The following DOCK3 variants were observed in gnomAD, a reference collection of about 807,000 sequenced individuals.
DOCK3 encodes dedicator of cytokinesis 3.
In DOCK3, 60 loss-of-function variants were observed where a neutral mutation model predicts 265.6. The observed-to-expected ratio is 0.23, with a 90% CI of 0.18 to 0.28. The LOEUF (loss-of-function observed/expected upper bound fraction) is 0.28, where lower values mean the gene tolerates loss of function less well. Ranked by LOEUF, DOCK3 falls within the 10% of genes least tolerant of loss-of-function variation. DOCK3 has a pLI of 1.00. For synonymous variants in DOCK3, 881 were observed against 938.0 expected (o/e 0.94, Z 1.11); for missense variants, 1,981 against 2,594.3 (o/e 0.76, Z 5.14).
intron 49 of DOCK3, among the ~76,000 whole-genome samples, chr3:51,368,799 C>T (rs1007544360): frequency 6.6e-6 from 1 of 152,198 alleles, no homozygotes; most frequent in South Asian, 2.1e-4. Context: ...CTGGGAGGCA[C>T]CTCCCAGTAG....
intron 5 of DOCK3, among the ~76,000 whole-genome samples, chr3:51,055,702 C>CAT (rs2081174156): frequency 6.6e-6 from 1 of 152,164 alleles, no homozygotes; most frequent in Admixed American, 6.5e-5. Flanking sequence ...TGGCATCTAT[C>CAT]CATCCGTGAA....
chr3:50,929,449 T>C (rs1052342668), intron 4 of DOCK3, among the ~76,000 whole-genome samples: 2 of 152,208 alleles, frequency 1.3e-5, no homozygotes, highest in African/African-American at 4.8e-5. Context: ...TTAATAGCAA[T>C]TGGTGTTGTG....
At chr3:50,866,675 A>G (rs2047161378) in intron 3 of DOCK3, among the ~76,000 whole-genome samples, 1 of 152,108 alleles carries the variant, frequency 6.6e-6, no homozygotes, top group African/African-American at 2.4e-5. Flanking sequence ...AGCACCATTT[A>G]TTAAAGAGAA....
At chr3:50,808,577 A>T (rs533224827) in intron 2 of DOCK3, among the ~76,000 whole-genome samples, 1 of 152,200 alleles carries the variant, frequency 6.6e-6, no homozygotes, top group African/African-American at 2.4e-5. Context: ...TGTGTTTCCA[A>T]AAGTTTCTTT....
chr3:51,200,018 C>A (rs1388719503), intron 12 of DOCK3, among the ~76,000 whole-genome samples: 2 of 152,028 alleles, frequency 1.3e-5, no homozygotes, highest in East Asian at 3.9e-4. Flanking sequence ...GACATCCACA[C>A]CAAAAACCCA....
intron 3 of DOCK3, among the ~76,000 whole-genome samples, chr3:50,867,869 T>G (rs777230400): frequency 2.6e-5 from 4 of 152,126 alleles, no homozygotes; most frequent in Non-Finnish European, 5.9e-5. Flanking sequence ...TTATCAGAGA[T>G]ATTGGCCTGT....
rs185793200 is a variant in DOCK3 at position 51,289,171 on chromosome 3, C to T, written c.2922+8967C>T. 2.0e-4 allele frequency among the ~76,000 whole-genome samples: 31 copies of T among 152,244 alleles called. No individual in the cohort carries two copies. The East Asian group carries it at 3.9e-3, about 19-fold the overall frequency. ...ATGGATGGAGCTAGAGGCCATTATC[C>T]TAAGCAAACTAATGCAGGAACAGCA... On this transcript the variant is annotated intron_variant, in intron 27 of 52. Coordinates refer to ENST00000266037, the MANE Select transcript of DOCK3 (RefSeq NM_004947.5).
At chr3:50,784,294 T>C (rs926486415) in intron 2 of DOCK3, among the ~76,000 whole-genome samples, 1 of 152,248 alleles carries the variant, frequency 6.6e-6, no homozygotes, top group Non-Finnish European at 1.5e-5. Flanking sequence ...TGTTTTTGTT[T>C]GCTTTGTCAA....
chr3:50,836,244 A>G (rs1450191248), intron 2 of DOCK3, among the ~76,000 whole-genome samples: 1 of 152,170 alleles, frequency 6.6e-6, no homozygotes, highest in East Asian at 1.9e-4. Context: ...CTCTTACCCA[A>G]CCTTTCCCTT....
At chr3:51,257,464 A>T (rs1252676229) in intron 22 of DOCK3, among the ~76,000 whole-genome samples, 1 of 152,204 alleles carries the variant, frequency 6.6e-6, no homozygotes, top group Non-Finnish European at 1.5e-5. Flanking sequence ...AGGTGAAAAT[A>T]AAAAGTTTAT....
intron 40 of DOCK3, among the ~76,000 whole-genome samples, chr3:51,353,632 A>G (rs1027207451): frequency 2.6e-5 from 4 of 151,800 alleles, no homozygotes; most frequent in African/African-American, 7.3e-5. Flanking sequence ...AAAAAACAAT[A>G]CAGACACATG....
rs534270779 is a variant in DOCK3 at position 50,719,407 on chromosome 3, A to G, written c.37+44107A>G. On this transcript the variant is annotated intron_variant, in intron 1 of 52. Transcript: ENST00000266037. ...AGTGATTATAGGATGCTGCGAGCAA[A>G]TGGAGTGGAGGGGTGCTCTCCTGAG... 6.5e-5 allele frequency: 36 copies of G among 555,958 alleles called. No individual in the cohort carries two copies. In the East Asian group the frequency reaches 1.0e-3, roughly 16 times the overall value. 34.4% of individuals were successfully genotyped at this position (555,958 alleles called of 1,614,324 possible).
intron 2 of DOCK3, among the ~76,000 whole-genome samples, chr3:50,792,136 T>TG: frequency 6.6e-6 from 1 of 151,732 alleles, no homozygotes; most frequent in Admixed American, 6.6e-5. Context: ...TTTTTTTTTT[T>TG]GAGCAATGTT....
intron 12 of DOCK3, among the ~76,000 whole-genome samples, chr3:51,202,035 A>C (rs866178797): frequency 6.6e-6 from 1 of 152,198 alleles, no homozygotes; most frequent in African/African-American, 2.4e-5. Flanking sequence ...GTGTAGAGGG[A>C]AATTTATAGC....
At chr3:51,062,215 C>G (rs951381643) in intron 5 of DOCK3, among the ~76,000 whole-genome samples, 22 of 152,160 alleles carry the variant, frequency 1.4e-4, no homozygotes, top group African/African-American at 4.3e-4. Context: ...TCCAAATCTC[C>G]AGTAACTTCC....
chr3:50,973,061 T>TTTC (rs1421306295), intron 5 of DOCK3, among the ~76,000 whole-genome samples: 1 of 143,804 alleles, frequency 7.0e-6, no homozygotes, highest in African/African-American at 2.5e-5. Context: ...TTTTTTTTTT[T>TTTC]TTTTTTTTTT....
intron 3 of DOCK3, chr3:50,877,686 CTTTTTT>C: frequency 2.9e-6 from 1 of 346,332 alleles, no homozygotes; most frequent in Non-Finnish European, 5.4e-6. Flanking sequence ...TTTTCTTTTT[CTTTTTT>C]ATGTTGGAGT....
At chr3:50,849,411 C>G (rs529905346) in intron 3 of DOCK3, among the ~76,000 whole-genome samples, 20 of 151,746 alleles carry the variant, frequency 1.3e-4, no homozygotes, top group Non-Finnish European at 2.9e-4. Flanking sequence ...CACATACACA[C>G]ACACATATAT....
chr3:51,050,092 G>A (rs2080935788), intron 5 of DOCK3, among the ~76,000 whole-genome samples: 1 of 151,990 alleles, frequency 6.6e-6, no homozygotes, highest in Non-Finnish European at 1.5e-5. Context: ...TTCATGGATT[G>A]AAAAAAATTA....
Sources: gnomAD v4.1 joint callset for allele counts (sites outside exome capture counted in the v4.1 genomes callset) on GRCh38, gnomAD v4.1.1 for gene constraint, MANE v1.5 for transcripts, NCBI Gene and HGNC (gene_info 2026-07-23, HGNC 2026-07-21) for gene names.